The following WDR17 variants were observed in gnomAD, a reference collection of about 807,000 sequenced individuals.
The protein encoded by WDR17 is WD repeat-containing protein 17.
WDR17 carries 143 observed loss-of-function variants against 161.7 expected under a neutral mutation model. The ratio of observed to expected loss-of-function variants is 0.88; its 90% CI spans 0.77 to 1.02. The LOEUF is 1.02. WDR17 is among the 50% of genes least tolerant of loss of function. WDR17 has a pLI of 0.00. For missense variants in WDR17, 1,469 were observed against 1,520.9 expected, an observed-to-expected ratio of 0.97 and a Z score of 0.57; for synonymous variants, 517 against 515.6, an observed-to-expected ratio of 1.00 and a Z score of -0.04.
At chr4:176,114,031 A>T (rs149632582) in intron 2 of WDR17, among the ~76,000 whole-genome samples, 313 of 152,116 alleles carry the variant, frequency 2.1e-3, no homozygotes, top group Non-Finnish European at 2.7e-3. Context: ...TATGTAGATA[A>T]TTTGTATGGT....
At chr4:176,160,859 T>G in intron 19 of WDR17, 52 bp from the exon 20 acceptor site, 2 of 1,407,722 alleles carry the variant, frequency 1.4e-6, no homozygotes, top group Non-Finnish European at 1.9e-6. Context: ...CTGAAATGTG[T>G]CAATTATCAA....
At position 176,152,024 on chromosome 4, in the gene WDR17, A is replaced by G. The variant is rs562888333; in HGVS notation, c.2460+57A>G. 1.8e-4 allele frequency: 268 copies of G among 1,510,246 alleles called. 1 individual carries two copies. The South Asian group carries it at 3.3e-3, about 19-fold the overall frequency. 93.6% of individuals were successfully genotyped at this position (1,510,246 alleles called of 1,614,324 possible). On this transcript the variant is annotated intron_variant, in intron 17 of 28. Coordinates refer to ENST00000508596, the MANE Select transcript of WDR17 (RefSeq NM_181265.4). ...TTAACATAGTAGTCTAAACGTTAAGAATATACTCAATTTTAAGTATTAAAA... is the reference window on the plus strand; with the variant it reads ...TTAACATAGTAGTCTAAACGTTAAGGATATACTCAATTTTAAGTATTAAAA...
chr4:176,108,137 C>G (rs927432071), intron 1 of WDR17, among the ~76,000 whole-genome samples: 1 of 151,930 alleles, frequency 6.6e-6, no homozygotes, highest in Non-Finnish European at 1.5e-5. Flanking sequence ...CTCCTGGTTG[C>G]ACATTATGAA....
intron 22 of WDR17, among the ~76,000 whole-genome samples, chr4:176,167,659 A>AAAAAAC (rs1750040698): frequency 8.4e-6 from 1 of 118,838 alleles, no homozygotes; most frequent in Admixed American, 9.8e-5. Context: ...AAAAAAAAAA[A>AAAAAAC]AAAAAAAAAA....
At chr4:176,120,321 A>ATATATATATAT (rs1561130376) in intron 4 of WDR17, among the ~76,000 whole-genome samples, 107 of 134,862 alleles carry the variant, frequency 7.9e-4, no homozygotes, top group African/African-American at 3.0e-3. Context: ...TATATATATA[A>ATATATATATAT]TACATTCAAC....
chr4:176,115,224 T>C (rs913382743), intron 2 of WDR17, among the ~76,000 whole-genome samples: 8 of 152,038 alleles, frequency 5.3e-5, no homozygotes, highest in African/African-American at 1.7e-4. Flanking sequence ...CACTAATTAA[T>C]GGAGGCACAC....
rs201836849 is a variant in WDR17, at chr4:176,150,603, A to T, written c.2304+10A>T. The T allele has an allele frequency of 3.2e-6, 5 of 1,580,378 alleles. No individual in the cohort carries two copies. Among genetic ancestry groups the T allele is most frequent in the Non-Finnish European group, 4.3e-6 (5 of 1,168,610 alleles). On this transcript the variant is annotated intron_variant, in intron 16 of 28. Coordinates refer to ENST00000508596, the MANE Select transcript of WDR17 (RefSeq NM_181265.4). The stretch of plus-strand genomic sequence containing the variant: ...GATTAAATTTAGAACAGTGAGTAAA[A>T]TATGCAAATATGATGTACTCAAGCA...
chr4:176,086,116 T>A (rs868477978), intron 1 of WDR17, among the ~76,000 whole-genome samples: 54 of 152,022 alleles, frequency 3.6e-4, no homozygotes, highest in African/African-American at 1.2e-3. Flanking sequence ...GTAGTTTTAT[T>A]TATTGATTTC....
chr4:176,108,425 G>A (rs974691141), intron 1 of WDR17, among the ~76,000 whole-genome samples: 3 of 152,022 alleles, frequency 2.0e-5, no homozygotes, highest in Non-Finnish European at 4.4e-5. Flanking sequence ...GGAGGGGGAG[G>A]GATGAATAGG....
intron 5 of WDR17, among the ~76,000 whole-genome samples, chr4:176,128,531 CA>C (rs975341527): frequency 1.3e-5 from 2 of 151,582 alleles, no homozygotes; most frequent in African/African-American, 4.8e-5. Flanking sequence ...GGTTTTGGAG[CA>C]AAAAAATAGT....
intron 11 of WDR17, among the ~76,000 whole-genome samples, chr4:176,143,618 G>A (rs1474366922): frequency 6.6e-6 from 1 of 152,158 alleles, no homozygotes; most frequent in Non-Finnish European, 1.5e-5. Context: ...GGTCGAGGCT[G>A]CAGTAAGCCA....
At position 176,065,966 on chromosome 4, in the gene WDR17, G is replaced by A. The variant is rs956714340; in HGVS notation, c.-120G>A. The A allele has an allele frequency of 1.3e-5, 2 of 152,098 alleles. No individual in the cohort carries two copies. The highest frequency in any genetic ancestry group is 4.8e-5 in the African/African-American group (2 of 41,420). 9.4% of individuals were successfully genotyped at this position (152,098 alleles called of 1,614,324 possible). ...CGCCCCGCCCCCGGGCGCCCTGAGC[G>A]AGCAGGCGGGGAGGGCGGGGAGGGT... On this transcript the variant is annotated 5_prime_UTR_variant, in exon 1 of 29. Coordinates refer to ENST00000508596, the MANE Select transcript of WDR17 (RefSeq NM_181265.4).
At position 176,151,814 on chromosome 4, in the gene WDR17, T is replaced by G. The variant is rs145322849; in HGVS notation, c.2307T>G (p.Ser769=). The G allele has an allele frequency of 2.6e-6, 4 of 1,568,070 alleles. No individual in the cohort carries two copies. The African/African-American group carries it at 5.5e-5, about 22-fold the overall frequency. ...TTCTATTTTCTTTTTAAAACCAGTC[T>G]GAAGCTCAAGAACTAACAACAGTCA... ...HLKHLIKFRT[S]EAQELTTVKM... Residue 769 remains serine, a splice_region_variant and synonymous_variant, in exon 17 of 29, where the codon TCT becomes TCG. Coordinates refer to ENST00000508596, the MANE Select transcript of WDR17 (RefSeq NM_181265.4).
rs1317042927 is a variant in WDR17, at chr4:176,137,625, A to T, written c.1359+14A>T. 1 of 1,478,364 alleles carries T rather than the reference A, an allele frequency of 6.8e-7. No homozygotes were observed. The highest frequency in any genetic ancestry group is 2.3e-5 in the East Asian group (1 of 43,402). The allele number at this position is 1,478,364 out of a possible 1,614,324, so 91.6% of individuals were successfully genotyped here. A position where few individuals can be genotyped will look rare whatever the true frequency, so the allele number is the denominator to read the frequency against. On this transcript the variant is annotated intron_variant, in intron 9 of 28. Transcript: ENST00000508596. ...CGATTTAATGAGGTAAGATTTATTT[A>T]TTGCTACTGAATAATATAATGTTTT...
chr4:176,157,898 A>C (rs1579218855), intron 18 of WDR17, among the ~76,000 whole-genome samples: 1 of 152,312 alleles, frequency 6.6e-6, no homozygotes, highest in Non-Finnish European at 1.5e-5. Context: ...TACATAGGAC[A>C]TAACCAAGTG....
chr4:176,095,490 G>A (rs1476119020), intron 1 of WDR17, among the ~76,000 whole-genome samples: 3 of 152,116 alleles, frequency 2.0e-5, no homozygotes, highest in African/African-American at 7.2e-5. Flanking sequence ...TAGCTGCAGT[G>A]ATAATTATAT....
chr4:176,172,978 G>A (rs1750953761), intron 24 of WDR17, among the ~76,000 whole-genome samples: 1 of 152,148 alleles, frequency 6.6e-6, no homozygotes, highest in African/African-American at 2.4e-5. Flanking sequence ...ATTTCAACAT[G>A]AGCTCTAGAG....
Position 176,173,314 on chromosome 4 carries a change from C to A in WDR17, c.3292C>A (p.Leu1098Ile). ...DWTLDTIYPV[L>I]DLLSYIRTEK... ...GACTTTGGATACCATATACCCTGTTCTTGACCTACTGAGCTATATTCGTAC... is the reference window on the plus strand; with the variant it reads ...GACTTTGGATACCATATACCCTGTTATTGACCTACTGAGCTATATTCGTAC... Residue 1098 changes from leucine (L) to isoleucine (I), a missense_variant, in exon 25 of 29, where the codon CTT (leucine) becomes ATT (isoleucine). Coordinates refer to ENST00000508596, the MANE Select transcript of WDR17 (RefSeq NM_181265.4). 1 of 1,613,300 alleles carries A rather than the reference C, an allele frequency of 6.2e-7. No homozygotes were observed. Among genetic ancestry groups the A allele is most frequent in the Non-Finnish European group, 8.5e-7 (1 of 1,179,764 alleles).
rs149325277 is a variant in WDR17 at position 176,142,269 on chromosome 4, A to T, written c.1529+200A>T. On this transcript the variant is annotated intron_variant, in intron 11 of 28. Transcript: ENST00000508596. ...ATTCCATGAAGTTTTTACATGATTT[A>T]CAAATATTGATTTCCTACTCTCAAA... Among the ~76,000 whole-genome samples, 587 of 152,328 alleles carry T rather than the reference A, an allele frequency of 3.9e-3. 5 individuals are homozygous for T. Among genetic ancestry groups the T allele is most frequent in the African/African-American group, 0.013 (537 of 41,570 alleles).
Sources: gnomAD v4.1 joint callset for allele counts (sites outside exome capture counted in the v4.1 genomes callset) on GRCh38, gnomAD v4.1.1 for gene constraint, MANE v1.5 for transcripts, NCBI Gene and HGNC (gene_info 2026-07-23, HGNC 2026-07-21) for gene names.